ANGPT1: variants seen among roughly 807,000 people sequenced by gnomAD.
ANGPT1 encodes the protein angiopoietin-1.
Under a neutral mutation model 62.2 loss-of-function variants are expected in ANGPT1, and 17 were observed. That is an observed-to-expected ratio of 0.27 (90% CI 0.19 to 0.41). ANGPT1 has a LOEUF of 0.41. Among genes scored for constraint, ANGPT1 ranks in the 10% least tolerant of loss-of-function variants. The pLI, the probability that ANGPT1 is intolerant of heterozygous loss-of-function variation, is 1.00. For synonymous variants in ANGPT1, 199 were observed against 198.9 expected (o/e 1.00, Z 0.00); for missense variants, 478 against 594.9 (o/e 0.80, Z 2.04).
At chr8:107,413,458 T>A (rs1810646129) in intron 1 of ANGPT1, among the ~76,000 whole-genome samples, 1 of 151,932 alleles carries the variant, frequency 6.6e-6, no homozygotes, top group Admixed American at 6.6e-5. Flanking sequence ...GTGAAGTGAG[T>A]GAGGTACTTG....
chr8:107,414,355 T>C (rs111277810), intron 1 of ANGPT1, among the ~76,000 whole-genome samples: 2,830 of 152,328 alleles, frequency 0.019, 34 homozygotes, highest in Non-Finnish European at 0.029. Flanking sequence ...TACAAAGGAA[T>C]AATGATTATT....
intron 1 of ANGPT1, among the ~76,000 whole-genome samples, chr8:107,474,285 C>A (rs1812449509): frequency 6.6e-6 from 1 of 152,038 alleles, no homozygotes; most frequent in Non-Finnish European, 1.5e-5. Flanking sequence ...TCAACATATG[C>A]AAATCAATAA....
intron 1 of ANGPT1, among the ~76,000 whole-genome samples, chr8:107,347,391 A>T (rs1445148342): frequency 6.6e-6 from 1 of 151,940 alleles, no homozygotes; most frequent in East Asian, 1.9e-4. Flanking sequence ...TATAGCAAAG[A>T]TGTATCACAG....
intron 7 of ANGPT1, among the ~76,000 whole-genome samples, chr8:107,281,940 G>C (rs1187822902): frequency 6.6e-6 from 1 of 151,836 alleles, no homozygotes; most frequent in African/African-American, 2.4e-5. Flanking sequence ...GACGAGACAT[G>C]AATGGACAAA....
At chr8:107,310,163 T>C (rs1431042431) in intron 4 of ANGPT1, among the ~76,000 whole-genome samples, 1 of 152,178 alleles carries the variant, frequency 6.6e-6, no homozygotes, top group Non-Finnish European at 1.5e-5. Context: ...TAAAATCAAC[T>C]AGCATTAATT....
chr8:107,344,033 C>T (rs1011845934), intron 2 of ANGPT1, among the ~76,000 whole-genome samples: 4 of 151,932 alleles, frequency 2.6e-5, no homozygotes, highest in African/African-American at 9.7e-5. Context: ...TGCACTCCAG[C>T]CTGGGTGACA....
intron 7 of ANGPT1, among the ~76,000 whole-genome samples, chr8:107,276,326 C>T (rs566544459): frequency 6.6e-6 from 1 of 152,142 alleles, no homozygotes; most frequent in East Asian, 1.9e-4. Flanking sequence ...GTAGAAACTG[C>T]CAGGAGATTT....
rs189990167 is a variant in ANGPT1 at position 107,346,772 on chromosome 8, C to A, written c.453+170G>T. On this transcript the variant is annotated intron_variant, in intron 2 of 8. Transcript: ENST00000517746. ...CTAAATATACCAACCCTCATTAGAT[C>A]AAAAAAAACACGCATAGCATGTCAG... Among the ~76,000 whole-genome samples, 598 of 151,378 alleles carry A rather than the reference C, an allele frequency of 4.0e-3. 2 individuals carry two copies. The highest frequency in any genetic ancestry group is 0.014 in the African/African-American group (564 of 41,246).
intron 1 of ANGPT1, among the ~76,000 whole-genome samples, chr8:107,375,954 A>G (rs745781280): frequency 6.6e-6 from 1 of 152,178 alleles, no homozygotes; most frequent in Non-Finnish European, 1.5e-5. Flanking sequence ...ATATTTTACT[A>G]TTCTTGAGAT....
intron 3 of ANGPT1, among the ~76,000 whole-genome samples, chr8:107,329,066 C>T (rs146205314): frequency 6.6e-6 from 1 of 151,564 alleles, no homozygotes; most frequent in African/African-American, 2.4e-5. Flanking sequence ...GTAGAAAAAA[C>T]CCCAATGATA....
chr8:107,414,189 T>C (rs994897008), intron 1 of ANGPT1, among the ~76,000 whole-genome samples: 2 of 152,044 alleles, frequency 1.3e-5, no homozygotes, highest in African/African-American at 4.8e-5. Flanking sequence ...GGGATCAGGA[T>C]GGGAAGGAGT....
At chr8:107,391,640 C>T (rs1816837728) in intron 1 of ANGPT1, among the ~76,000 whole-genome samples, 1 of 152,148 alleles carries the variant, frequency 6.6e-6, no homozygotes, top group Non-Finnish European at 1.5e-5. Context: ...GCACACCAGC[C>T]TGGGCGACAC....
At chr8:107,488,642 A>T (rs1812878245) in intron 1 of ANGPT1, among the ~76,000 whole-genome samples, 1 of 152,236 alleles carries the variant, frequency 6.6e-6, no homozygotes, top group Non-Finnish European at 1.5e-5. Flanking sequence ...CAAGCATTAG[A>T]ACAACTATAA....
intron 3 of ANGPT1, among the ~76,000 whole-genome samples, chr8:107,330,952 T>C (rs993764999): frequency 6.6e-6 from 1 of 152,152 alleles, no homozygotes. Flanking sequence ...AACATTCTAG[T>C]ATGTAGGTGT....
At chr8:107,445,892 T>C (rs1017562510) in intron 1 of ANGPT1, among the ~76,000 whole-genome samples, 1 of 152,156 alleles carries the variant, frequency 6.6e-6, no homozygotes, top group Admixed American at 6.5e-5. Flanking sequence ...ATTAACAATG[T>C]TTATTATTTA....
At chr8:107,282,507 T>C (rs1195647071) in intron 7 of ANGPT1, among the ~76,000 whole-genome samples, 2 of 142,334 alleles carry the variant, frequency 1.4e-5, no homozygotes, top group Non-Finnish European at 1.5e-5. Context: ...AGTTCATATA[T>C]ATTATATATC....
intron 2 of ANGPT1, among the ~76,000 whole-genome samples, chr8:107,346,545 C>A (rs996555754): frequency 1.4e-4 from 22 of 152,232 alleles, no homozygotes; most frequent in African/African-American, 3.9e-4. Flanking sequence ...ATGCACAAAC[C>A]GTCTGCAGGT....
At chr8:107,358,265 T>G (rs964497527) in intron 1 of ANGPT1, among the ~76,000 whole-genome samples, 3 of 152,192 alleles carry the variant, frequency 2.0e-5, no homozygotes, top group African/African-American at 7.2e-5. Flanking sequence ...AGTTCTTATT[T>G]AAATTACCCT....
intron 4 of ANGPT1, among the ~76,000 whole-genome samples, chr8:107,307,090 A>C (rs1290601107): frequency 2.0e-5 from 3 of 152,034 alleles, no homozygotes; most frequent in Non-Finnish European, 4.4e-5. Flanking sequence ...TCTTTCTTTG[A>C]CCAGATATTC....
Sources: gnomAD v4.1 joint callset for allele counts (sites outside exome capture counted in the v4.1 genomes callset) on GRCh38, gnomAD v4.1.1 for gene constraint, MANE v1.5 for transcripts, NCBI Gene and HGNC (gene_info 2026-07-23, HGNC 2026-07-21) for gene names.